The following DDAH1 variants were observed in gnomAD, a reference collection of about 807,000 sequenced individuals.
DDAH1 encodes N(G),N(G)-dimethylarginine dimethylaminohydrolase 1.
A neutral mutation model predicts 28.8 loss-of-function variants in DDAH1; 19 were observed. That is an observed-to-expected ratio of 0.66 (90% CI 0.46 to 0.97). The LOEUF (loss-of-function observed/expected upper bound fraction) is 0.97, where lower values mean the gene tolerates loss of function less well. Among genes scored for constraint, DDAH1 ranks in the 50% least tolerant of loss-of-function variants. DDAH1 has a pLI of 0.00. For missense variants in DDAH1, 326 were observed against 375.9 expected, an observed-to-expected ratio of 0.87 and a Z score of 1.10; for synonymous variants, 153 against 154.4, an observed-to-expected ratio of 0.99 and a Z score of 0.07.
intron 4 of DDAH1, among the ~76,000 whole-genome samples, chr1:85,330,849 A>G (rs1363712475): frequency 6.6e-6 from 1 of 152,218 alleles, no homozygotes; most frequent in Non-Finnish European, 1.5e-5. Context: ...GGGAAAGGGA[A>G]AGAGATGCCT....
intron 4 of DDAH1, among the ~76,000 whole-genome samples, chr1:85,334,485 GGGAGGGACCC>G (rs1461321234): frequency 6.6e-6 from 1 of 152,190 alleles, no homozygotes; most frequent in African/African-American, 2.4e-5. Context: ...CCAATGTTGG[GGGAGGGACCC>G]GGAGGGAGAT....
intron 1 of DDAH1, among the ~76,000 whole-genome samples, chr1:85,415,834 T>C (rs758739818): frequency 6.6e-6 from 1 of 152,202 alleles, no homozygotes; most frequent in African/African-American, 2.4e-5. Context: ...GTAATAAGTA[T>C]ACAGGTATTC....
intron 2 of DDAH1, among the ~76,000 whole-genome samples, chr1:85,358,372 G>C (rs190029840): frequency 2.6e-5 from 4 of 152,270 alleles, no homozygotes; most frequent in Non-Finnish European, 1.5e-5. Context: ...ACAATAGGCT[G>C]GGCATGGTGG....
chr1:85,369,649 G>C (rs927546532), intron 1 of DDAH1, among the ~76,000 whole-genome samples: 1 of 152,108 alleles, frequency 6.6e-6, no homozygotes, highest in African/African-American at 2.4e-5. Context: ...AATATACCTG[G>C]CACTATTCTA....
At chr1:85,429,921 A>T (rs1653589287) in intron 1 of DDAH1, among the ~76,000 whole-genome samples, 1 of 152,024 alleles carries the variant, frequency 6.6e-6, no homozygotes, top group African/African-American at 2.4e-5. Context: ...TGTCAGATGG[A>T]TAGACTGCAA....
intron 1 of DDAH1, among the ~76,000 whole-genome samples, chr1:85,445,699 C>A (rs1167027062): frequency 6.6e-6 from 1 of 152,158 alleles, no homozygotes; most frequent in Non-Finnish European, 1.5e-5. Context: ...AAGCCTTGAT[C>A]TCCTAAGCCC....
chr1:85,504,317 A>G (rs1295904932), intron 1 of DDAH1, among the ~76,000 whole-genome samples: 1 of 152,210 alleles, frequency 6.6e-6, no homozygotes, highest in Non-Finnish European at 1.5e-5. Flanking sequence ...CTGTAATTCA[A>G]TGGAAATGAC....
chr1:85,527,177 G>C (rs2100769375), intron 1 of DDAH1, among the ~76,000 whole-genome samples: 1 of 152,306 alleles, frequency 6.6e-6, no homozygotes, highest in East Asian at 1.9e-4. Flanking sequence ...TGCCTCACTA[G>C]GTGATTCTTC....
chr1:85,572,311 T>A (rs1201956299), intron 1 of DDAH1, among the ~76,000 whole-genome samples: 1 of 152,108 alleles, frequency 6.6e-6, no homozygotes. Context: ...AGAACAATAT[T>A]TAAGTGACAG....
At chr1:85,352,786 A>G (rs920110859) in intron 2 of DDAH1, among the ~76,000 whole-genome samples, 2 of 152,216 alleles carry the variant, frequency 1.3e-5, no homozygotes, top group African/African-American at 2.4e-5. Context: ...ATATTAGCCT[A>G]TGGTAAAAAT....
intron 4 of DDAH1, among the ~76,000 whole-genome samples, chr1:85,325,608 GA>G (rs60305234): frequency 0.021 from 2,827 of 136,724 alleles, 66 homozygotes; most frequent in East Asian, 0.14. Context: ...CAACTGGAGA[GA>G]AAAAAAAAAA....
chr1:85,339,220 C>G lies in DDAH1; in HGVS notation c.597+11195G>C, dbSNP rs1334362440. On this transcript the variant is annotated intron_variant, in intron 4 of 5. Transcript: ENST00000284031. ...AAACATACAAAAACTCTAATAGATT[C>G]AGCGCTTTTCATTTAGCTCCTAATT... Among the ~76,000 whole-genome samples, 6 of 152,166 alleles carry G rather than the reference C, an allele frequency of 3.9e-5. No homozygotes were observed. In the East Asian group the frequency reaches 1.2e-3, roughly 29 times the overall value.
At chr1:85,547,450 C>G (rs537274208) in intron 1 of DDAH1, among the ~76,000 whole-genome samples, 8 of 152,144 alleles carry the variant, frequency 5.3e-5, no homozygotes, top group Non-Finnish European at 1.2e-4. Context: ...GTCCTGATTC[C>G]TTATTCAGTG....
chr1:85,430,466 T>C (rs917759196), intron 1 of DDAH1, among the ~76,000 whole-genome samples: 2 of 152,228 alleles, frequency 1.3e-5, no homozygotes, highest in African/African-American at 2.4e-5. Context: ...GTGGATAGCA[T>C]TGAATCTATA....
At chr1:85,570,445 T>C (rs1315086524) in intron 1 of DDAH1, among the ~76,000 whole-genome samples, 3 of 151,812 alleles carry the variant, frequency 2.0e-5, no homozygotes, top group African/African-American at 7.3e-5. Flanking sequence ...TCTAACTTCC[T>C]TCTCAAAGCA....
intron 1 of DDAH1, among the ~76,000 whole-genome samples, chr1:85,427,873 G>T (rs1308609206): frequency 6.6e-6 from 1 of 152,148 alleles, no homozygotes; most frequent in Non-Finnish European, 1.5e-5. Flanking sequence ...AGGTGAGGGA[G>T]GGGATAGGAA....
intron 1 of DDAH1, among the ~76,000 whole-genome samples, chr1:85,396,273 T>A (rs1570481350): frequency 6.6e-6 from 1 of 152,096 alleles, no homozygotes; most frequent in South Asian, 2.1e-4. Context: ...AGAAAAGAGG[T>A]TTACTTGACT....
At chr1:85,571,491 A>G (rs1659451666) in intron 1 of DDAH1, among the ~76,000 whole-genome samples, 1 of 152,258 alleles carries the variant, frequency 6.6e-6, no homozygotes, top group Non-Finnish European at 1.5e-5. Context: ...CACGGCTTCT[A>G]GAGCTTTAAT....
rs531677399 is a variant in DDAH1, at chr1:85,360,035, T to A, written c.304-1188A>T. 2.6e-5 allele frequency among the ~76,000 whole-genome samples: 4 copies of A among 152,280 alleles called. No homozygotes were observed. The South Asian group carries it at 8.3e-4, about 32-fold the overall frequency. On this transcript the variant is annotated intron_variant, in intron 1 of 5. Transcript: ENST00000284031. ...GAATAGGGGACAAGGGAACAAGAGA[T>A]CACATCACACTGGGCAAAGCAGGTA...
Sources: allele counts gnomAD v4.1 joint callset (sites outside exome capture counted in the v4.1 genomes callset), GRCh38; gene constraint gnomAD v4.1.1; transcripts MANE v1.5; gene names NCBI Gene and HGNC (gene_info 2026-07-23, HGNC 2026-07-21).